GABRB2: variants seen among roughly 807,000 people sequenced by gnomAD.
The protein encoded by GABRB2 is gamma-aminobutyric acid receptor subunit beta-2.
A neutral mutation model predicts 54.7 loss-of-function variants in GABRB2; 16 were observed. The observed-to-expected ratio is 0.29, with a 90% CI of 0.20 to 0.44. The LOEUF is 0.44. GABRB2 is among the 20% of genes least tolerant of loss of function. The probability of loss-of-function intolerance (pLI) is 1.00; values close to 1 mark genes in which losing one functional copy is unlikely to be tolerated. For missense variants in GABRB2, 355 were observed against 644.0 expected, an observed-to-expected ratio of 0.55 and a Z score of 4.86; for synonymous variants, 244 against 233.8, an observed-to-expected ratio of 1.04 and a Z score of -0.40.
intron 5 of GABRB2, among the ~76,000 whole-genome samples, chr5:161,399,672 C>T (rs1580952054): frequency 6.6e-6 from 1 of 152,206 alleles, no homozygotes. Flanking sequence ...ATATAATCCC[C>T]TTCTGTTGAA....
At chr5:161,413,462 C>T (rs1756579145) in intron 4 of GABRB2, among the ~76,000 whole-genome samples, 1 of 152,096 alleles carries the variant, frequency 6.6e-6, no homozygotes, top group African/African-American at 2.4e-5. Flanking sequence ...TTAAAAGTTA[C>T]ATTCGCATTT....
chr5:161,427,432 G>T (rs960385603), intron 4 of GABRB2, among the ~76,000 whole-genome samples: 2 of 152,118 alleles, frequency 1.3e-5, no homozygotes, highest in African/African-American at 4.8e-5. Context: ...CCTTTCTGGA[G>T]ATGATGGGTA....
intron 5 of GABRB2, among the ~76,000 whole-genome samples, chr5:161,383,488 T>G (rs1755531543): frequency 6.6e-6 from 1 of 152,154 alleles, no homozygotes; most frequent in Admixed American, 6.6e-5. Flanking sequence ...TTCATGCCAA[T>G]TACATTTATC....
intron 5 of GABRB2, among the ~76,000 whole-genome samples, chr5:161,378,011 T>G (rs1350310923): frequency 6.6e-6 from 1 of 152,116 alleles, no homozygotes; most frequent in South Asian, 2.1e-4. Flanking sequence ...TTAACCAACA[T>G]GCATAATGCT....
intron 8 of GABRB2, 156 bp downstream of exon 8, chr5:161,330,727 T>C: frequency 9.5e-7 from 1 of 1,047,728 alleles, no homozygotes; most frequent in Non-Finnish European, 1.4e-6. Flanking sequence ...TCCCTAATTG[T>C]GCTTCCATCA....
At chr5:161,349,219 T>C (rs1278397015) in intron 5 of GABRB2, among the ~76,000 whole-genome samples, 1 of 151,944 alleles carries the variant, frequency 6.6e-6, no homozygotes, top group Non-Finnish European at 1.5e-5. Context: ...ATTATATTCC[T>C]GGCTTCAGGA....
intron 4 of GABRB2, 93 bp downstream of exon 4, chr5:161,459,531 A>C: frequency 9.4e-7 from 1 of 1,069,066 alleles, no homozygotes; most frequent in South Asian, 1.4e-5. Context: ...GAATTGAAGA[A>C]AGATAAGGAA....
chr5:161,339,177 C>T (rs2113412487), intron 5 of GABRB2, among the ~76,000 whole-genome samples: 1 of 152,144 alleles, frequency 6.6e-6, no homozygotes, highest in African/African-American at 2.4e-5. Flanking sequence ...CAGAAATGCA[C>T]TGTAAAATTT....
intron 4 of GABRB2, among the ~76,000 whole-genome samples, chr5:161,426,993 C>T (rs1757019947): frequency 1.3e-5 from 2 of 152,114 alleles, no homozygotes; most frequent in Non-Finnish European, 2.9e-5. Flanking sequence ...AGATAAAGAA[C>T]AGCTGTGTTG....
At chr5:161,479,584 A>AT (rs1180377858) in intron 3 of GABRB2, among the ~76,000 whole-genome samples, 10 of 78,198 alleles carry the variant, frequency 1.3e-4, no homozygotes, top group Non-Finnish European at 1.7e-4. Context: ...ACATTGAAAC[A>AT]ATTTTTTTTT....
intron 5 of GABRB2, among the ~76,000 whole-genome samples, chr5:161,385,948 GTGTGTGTGT>G (rs1561631779): frequency 0.1 from 11,199 of 108,278 alleles, 649 homozygotes; most frequent in Admixed American, 0.2. Flanking sequence ...CTATTGTCTG[GTGTGTGTGT>G]GTGTGTGTGT....
chr5:161,535,286 T>C (rs934157579), intron 3 of GABRB2, among the ~76,000 whole-genome samples: 3 of 152,208 alleles, frequency 2.0e-5, no homozygotes, highest in Admixed American at 6.5e-5. Context: ...GTGAATATTA[T>C]ATAATGCACT....
chr5:161,537,928 C>T lies in GABRB2; in HGVS notation c.237+7299G>A, dbSNP rs146701237. ...TTTATTTATCCTGTGTCACACCCTC[C>T]TCTATGTTATTCTTTCTGCTTGGAA... On this transcript the variant is annotated intron_variant, in intron 3 of 9. Coordinates refer to ENST00000393959, the MANE Select transcript of GABRB2 (RefSeq NM_001371727.1). 4.1e-4 allele frequency among the ~76,000 whole-genome samples: 62 copies of T among 151,992 alleles called. No homozygotes were observed. The East Asian group carries it at 0.012, about 29-fold the overall frequency.
intron 8 of GABRB2, among the ~76,000 whole-genome samples, chr5:161,327,956 A>C (rs1054767200): frequency 6.6e-6 from 1 of 152,164 alleles, no homozygotes; most frequent in South Asian, 2.1e-4. Flanking sequence ...AGCACCGCAT[A>C]ATCAGGAGCA....
chr5:161,357,321 G>C (rs1329820114), intron 5 of GABRB2, among the ~76,000 whole-genome samples: 2 of 152,088 alleles, frequency 1.3e-5, no homozygotes, highest in African/African-American at 4.8e-5. Context: ...CAGTGCAAAG[G>C]ACCAAAGCCA....
chr5:161,345,223 C>T (rs1207706288), intron 5 of GABRB2, among the ~76,000 whole-genome samples: 1 of 151,696 alleles, frequency 6.6e-6, no homozygotes, highest in Non-Finnish European at 1.5e-5. Flanking sequence ...AATCAGTATA[C>T]TTCATATTTG....
chr5:161,460,346 C>T (rs1758086231), intron 3 of GABRB2, among the ~76,000 whole-genome samples: 1 of 151,890 alleles, frequency 6.6e-6, no homozygotes, highest in African/African-American at 2.4e-5. Flanking sequence ...CATATAGAGG[C>T]AAATACTAAT....
intron 4 of GABRB2, among the ~76,000 whole-genome samples, chr5:161,425,088 T>C (rs1055434808): frequency 2.0e-5 from 3 of 152,122 alleles, no homozygotes; most frequent in Admixed American, 6.6e-5. Context: ...AATTTTTTTC[T>C]TATGGATGGA....
At chr5:161,331,438 T>C (rs1165897592) in intron 7 of GABRB2, among the ~76,000 whole-genome samples, 1 of 152,136 alleles carries the variant, frequency 6.6e-6, no homozygotes, top group Non-Finnish European at 1.5e-5. Flanking sequence ...GTTCAGAATA[T>C]GGAGAGGACT....
Sources: allele counts gnomAD v4.1 joint callset (sites outside exome capture counted in the v4.1 genomes callset), GRCh38; gene constraint gnomAD v4.1.1; transcripts MANE v1.5; gene names NCBI Gene and HGNC (gene_info 2026-07-23, HGNC 2026-07-21).